Variants in STARD13 observed in about 807,000 individuals in gnomAD.
STARD13 encodes StAR related lipid transfer domain containing 13.
In STARD13, 62 loss-of-function variants were observed where a neutral mutation model predicts 106.4. The observed-to-expected ratio is 0.58, with a 90% CI of 0.48 to 0.72. The LOEUF is 0.72. Among genes scored for constraint, STARD13 ranks in the 30% least tolerant of loss-of-function variants. The pLI, the probability that STARD13 is intolerant of heterozygous loss-of-function variation, is 0.00. For missense variants in STARD13, 1,387 were observed against 1,424.0 expected (o/e 0.97, Z 0.42); for synonymous variants, 565 against 553.0 (o/e 1.02, Z -0.31).
the STARD13 span, among the ~76,000 whole-genome samples, chr13:33,645,057 T>C: frequency 6.6e-6 from 1 of 152,206 alleles, no homozygotes; most frequent in Non-Finnish European, 1.5e-5. Context: ...AGGAGTCTCT[T>C]GCAACGTGAC....
chr13:33,302,612 G>A (rs1566127561), intron 1 of STARD13, among the ~76,000 whole-genome samples: 1 of 151,952 alleles, frequency 6.6e-6, no homozygotes, highest in Non-Finnish European at 1.5e-5. Flanking sequence ...TGGCCATGTT[G>A]CCCACTCTGG....
the STARD13 span, among the ~76,000 whole-genome samples, chr13:33,455,212 A>G: frequency 6.6e-6 from 1 of 152,224 alleles, no homozygotes; most frequent in African/African-American, 2.4e-5. Context: ...GGATGCTGAG[A>G]GCAGACACAA....
chr13:33,171,287 C>G (rs1314470698), intron 1 of STARD13, among the ~76,000 whole-genome samples: 3 of 152,186 alleles, frequency 2.0e-5, no homozygotes, highest in African/African-American at 7.2e-5. Flanking sequence ...CATGGAAAAC[C>G]TGAGTGTGGA....
intron 1 of STARD13, among the ~76,000 whole-genome samples, chr13:33,193,924 T>G (rs1237061138): frequency 6.6e-6 from 1 of 152,220 alleles, no homozygotes; most frequent in Non-Finnish European, 1.5e-5. Flanking sequence ...ATGGTGCTGA[T>G]AACTAAGTGT....
At chr13:33,593,597 C>A in the STARD13 span, among the ~76,000 whole-genome samples, 4 of 152,168 alleles carry the variant, frequency 2.6e-5, no homozygotes, top group Non-Finnish European at 5.9e-5. Flanking sequence ...AGATTCAGCC[C>A]CATGCCAGTC....
the STARD13 span, among the ~76,000 whole-genome samples, chr13:33,399,986 A>G: frequency 1.3e-5 from 2 of 152,156 alleles, no homozygotes; most frequent in Non-Finnish European, 2.9e-5. Flanking sequence ...CAACATGATG[A>G]TTTGATATAC....
chr13:33,115,928 C>T (rs1875304014), intron 8 of STARD13, among the ~76,000 whole-genome samples: 1 of 152,176 alleles, frequency 6.6e-6, no homozygotes, highest in Admixed American at 6.5e-5. Flanking sequence ...TGCGGGATAC[C>T]CAACTCTGGA....
the STARD13 span, among the ~76,000 whole-genome samples, chr13:33,510,414 T>C: frequency 1.3e-5 from 2 of 152,120 alleles, no homozygotes; most frequent in Admixed American, 6.6e-5. Flanking sequence ...AGAGACATAG[T>C]TAACCTGTGC....
At chr13:33,281,819 AGAG>A (rs1434188084) in intron 1 of STARD13, among the ~76,000 whole-genome samples, 2 of 152,128 alleles carry the variant, frequency 1.3e-5, no homozygotes, top group Non-Finnish European at 2.9e-5. Flanking sequence ...CCAAAGGCCG[AGAG>A]GAGGAGGAAT....
the STARD13 span, among the ~76,000 whole-genome samples, chr13:33,417,934 A>G: frequency 4.6e-5 from 7 of 152,222 alleles, no homozygotes; most frequent in Non-Finnish European, 7.3e-5. Context: ...CCGTATCTCA[A>G]TAAGCCTGTT....
chr13:33,437,470 A>G, the STARD13 span, among the ~76,000 whole-genome samples: 6 of 152,302 alleles, frequency 3.9e-5, no homozygotes, highest in South Asian at 1.0e-3. Context: ...TCGTCCTGCT[A>G]CATATCTCTG....
chr13:33,163,948 G>A (rs557803851), intron 3 of STARD13, among the ~76,000 whole-genome samples: 1 of 152,040 alleles, frequency 6.6e-6, no homozygotes, highest in South Asian at 2.1e-4. Context: ...TTATGAGGAG[G>A]AATCTGCTCC....
chr13:33,531,589 G>A, the STARD13 span, among the ~76,000 whole-genome samples: 1 of 152,024 alleles, frequency 6.6e-6, no homozygotes, highest in African/African-American at 2.4e-5. Context: ...CTTTAAATAA[G>A]GAATTATTTC....
chr13:33,253,354 T>C (rs1451002125), intron 1 of STARD13, among the ~76,000 whole-genome samples: 2 of 152,226 alleles, frequency 1.3e-5, no homozygotes, highest in Non-Finnish European at 2.9e-5. Context: ...ACACAGACCA[T>C]TTTAAAAGCT....
the STARD13 span, among the ~76,000 whole-genome samples, chr13:33,414,044 A>AT: frequency 4.0e-5 from 6 of 151,132 alleles, no homozygotes; most frequent in Non-Finnish European, 8.8e-5. Context: ...AAAAAAAAAA[A>AT]AAAAAAGAAA....
chr13:33,136,782 T>C (rs548293348), intron 4 of STARD13, among the ~76,000 whole-genome samples: 1 of 152,252 alleles, frequency 6.6e-6, no homozygotes, highest in East Asian at 1.9e-4. Flanking sequence ...CTCCTCACCC[T>C]TTAATTGTCA....
downstream of STARD13, among the ~76,000 whole-genome samples, chr13:33,345,498 T>C (rs1369377789): frequency 6.6e-6 from 1 of 152,160 alleles, no homozygotes; most frequent in East Asian, 1.9e-4. Context: ...ATTTGAATCC[T>C]GCTTTGAACA....
At chr13:33,559,627 G>T in the STARD13 span, among the ~76,000 whole-genome samples, 1 of 151,360 alleles carries the variant, frequency 6.6e-6, no homozygotes, top group Non-Finnish European at 1.5e-5. Flanking sequence ...AGGCCGAGGC[G>T]GGCAGATCAC....
chr13:33,394,366 C>A, the STARD13 span, among the ~76,000 whole-genome samples: 1 of 152,128 alleles, frequency 6.6e-6, no homozygotes, highest in African/African-American at 2.4e-5. Flanking sequence ...ATTAAAAATT[C>A]ATTTCCTCCA....
Sources: gnomAD v4.1 joint callset for allele counts (sites outside exome capture counted in the v4.1 genomes callset) on GRCh38, gnomAD v4.1.1 for gene constraint, MANE v1.5 for transcripts, NCBI Gene and HGNC (gene_info 2026-07-23, HGNC 2026-07-21) for gene names.